The following BACE1 variants were observed in gnomAD, a reference collection of about 807,000 sequenced individuals.
The protein encoded by BACE1 is beta-secretase 1.
A neutral mutation model predicts 54.0 loss-of-function variants in BACE1; 21 were observed. The observed-to-expected ratio is 0.39, with a 90% CI of 0.28 to 0.56. The LOEUF (loss-of-function observed/expected upper bound fraction) is 0.56. Among genes scored for constraint, BACE1 ranks in the 20% least tolerant of loss-of-function variants. BACE1 has a pLI of 0.63. For missense variants in BACE1, 511 were observed against 661.2 expected, an observed-to-expected ratio of 0.77 and a Z score of 2.49; for synonymous variants, 232 against 260.9, an observed-to-expected ratio of 0.89 and a Z score of 1.07.
intron 3 of BACE1, among the ~76,000 whole-genome samples, chr11:117,294,754 G>A (rs1282531725): frequency 1.3e-5 from 2 of 151,726 alleles, no homozygotes; most frequent in Admixed American, 6.6e-5. Context: ...GCGTCATGGT[G>A]GGCGCCTATA....
Position 117,287,112 on chromosome 11 carries a change from G to T in BACE1, c.*2454C>A, listed in dbSNP as rs1180728506. On this transcript the variant is annotated 3_prime_UTR_variant, in exon 9 of 9. Coordinates refer to ENST00000313005, the MANE Select transcript of BACE1 (RefSeq NM_012104.6). ...GAGTAAAGAAAGAAAAAAGGAAGGG[G>T]TGAGGAGGGGGCTTAACTGCTTCCC... is the stretch of plus-strand genomic sequence containing the variant. The T allele has an allele frequency of 1.3e-5, 2 of 152,210 alleles. No individual in the cohort carries two copies. Among genetic ancestry groups the T allele is most frequent in the African/African-American group, 4.8e-5 (2 of 41,438 alleles). The allele number at this position is 152,210 out of a possible 1,614,324, so 9.4% of individuals were successfully genotyped here.
chr11:117,288,590 T>G lies in BACE1; in HGVS notation c.*976A>C, dbSNP rs2034326754. 1 of 152,576 alleles carries G rather than the reference T, an allele frequency of 6.6e-6. No homozygotes were observed. The highest frequency in any genetic ancestry group is 2.4e-5 in the African/African-American group (1 of 41,414). 9.5% of individuals were successfully genotyped at this position (152,576 alleles called of 1,614,324 possible). Reference sequence around the variant, plus strand: ...CCAGGAAGACAGAGCCCAGCCCTGCTATAGTCCAGTTGCTCTCCCACAGGG... The same window carrying G: ...CCAGGAAGACAGAGCCCAGCCCTGCGATAGTCCAGTTGCTCTCCCACAGGG... On this transcript the variant is annotated 3_prime_UTR_variant, in exon 9 of 9. Transcript: ENST00000313005.
rs1432918307 is a variant in BACE1, at chr11:117,296,894, T to C, written c.329A>G (p.His110Arg). 5 of 1,613,634 alleles carry C rather than the reference T, an allele frequency of 3.1e-6. No individual in the cohort carries two copies. Among genetic ancestry groups the C allele is most frequent in the Non-Finnish European group, 3.4e-6 (4 of 1,179,778 alleles). The change falls in exon 2 of 9, where the codon CAT (histidine) becomes CGT (arginine). Residue 110 changes from histidine to arginine, a missense_variant. Physicochemically the swap from His to Arg is conservative, Grantham distance 29. This residue lies in a region of BACE1 where 407 missense variants were observed against 565.7 expected (regional missense o/e 0.72). Transcript: ENST00000313005. ...TCACAGCTGCCTCTGGTAGTAGCGATGCAGGAAGGGGTGGGGGGCAGCACC... is the reference window on the plus strand; with the variant it reads ...TCACAGCTGCCTCTGGTAGTAGCGACGCAGGAAGGGGTGGGGGGCAGCACC... ...AVGAAPHPFL[H>R]RYYQRQLSST...
At chr11:117,295,431 T>C in intron 2 of BACE1, 84 bp from the exon 3 acceptor site, 1 of 1,552,288 alleles carries the variant, frequency 6.4e-7, no homozygotes, top group Non-Finnish European at 8.7e-7. Context: ...AAACACCACC[T>C]TATCTCATCT....
chr11:117,287,372 T>C lies in BACE1; in HGVS notation c.*2194A>G, dbSNP rs916308089. The C allele has an allele frequency of 6.6e-6, 1 of 152,658 alleles. No homozygotes were observed. The highest frequency in any genetic ancestry group is 6.5e-5 in the Admixed American group (1 of 15,286). 9.5% of individuals were successfully genotyped at this position (152,658 alleles called of 1,614,324 possible). A position where few individuals can be genotyped will look rare whatever the true frequency, so the allele number is the denominator to read the frequency against. Reference sequence around the variant, plus strand: ...AGTGAGTGGAGAATGGGACAGTCATTTTTCAGGAGCAGAATTTAAAAATAC... The same window carrying C: ...AGTGAGTGGAGAATGGGACAGTCATCTTTCAGGAGCAGAATTTAAAAATAC... On this transcript the variant is annotated 3_prime_UTR_variant, in exon 9 of 9. Coordinates refer to ENST00000313005, the MANE Select transcript of BACE1 (RefSeq NM_012104.6).
At chr11:117,299,814 C>T (rs2034682553) in intron 1 of BACE1, 1 of 271,190 alleles carries the variant, frequency 3.7e-6, no homozygotes, top group African/African-American at 2.4e-5. Flanking sequence ...AACCCTCTTC[C>T]CCATTCTCAG....
chr11:117,292,970 C>T, intron 5 of BACE1, 84 bp downstream of exon 5: 1 of 1,519,896 alleles, frequency 6.6e-7, no homozygotes, highest in Non-Finnish European at 9.0e-7. Context: ...TCTGCCTCAT[C>T]CTCCCAACAT....
rs1477288734 is a variant in BACE1 at position 117,288,391 on chromosome 11, T to A, written c.*1175A>T. On this transcript the variant is annotated 3_prime_UTR_variant, in exon 9 of 9. Coordinates refer to ENST00000313005, the MANE Select transcript of BACE1 (RefSeq NM_012104.6). ...TGAATTATGTAAAGATCTTGCTACT[T>A]CTTATAGCCTAATAGGAAGAAATCC... is the stretch of plus-strand genomic sequence containing the variant. The A allele has an allele frequency of 6.6e-6, 1 of 152,632 alleles. No homozygotes were observed. The highest frequency in any genetic ancestry group is 1.9e-4 in the East Asian group (1 of 5,194). 9.5% of individuals were successfully genotyped at this position (152,632 alleles called of 1,614,324 possible).
rs1313737748 is a variant in BACE1 at position 117,291,069 on chromosome 11, A to G, written c.943-20T>C. On this transcript the variant is annotated intron_variant, in intron 6 of 8. Coordinates refer to ENST00000313005, the MANE Select transcript of BACE1 (RefSeq NM_012104.6). ...CTCCGTCTGTGTTGGCAAGAAGGGG[A>G]TAACAATGAGGAAAAGCCTCTTTAT... is the stretch of plus-strand genomic sequence containing the variant. 6.2e-7 allele frequency: 1 copy of G among 1,612,772 alleles called. No individual in the cohort carries two copies. Among genetic ancestry groups the G allele is most frequent in the East Asian group, 2.2e-5 (1 of 44,872 alleles).
intron 1 of BACE1, among the ~76,000 whole-genome samples, chr11:117,306,189 C>T (rs1369536638): frequency 6.6e-6 from 1 of 152,208 alleles, no homozygotes; most frequent in Non-Finnish European, 1.5e-5. Context: ...CCTCCCCTGC[C>T]TGTGCTGGCT....
In BACE1 at chr11:117,288,024, GTTTACTATGCTA is replaced by G. The variant is rs757012233; in HGVS notation, c.*1530_*1541del. 21 of 152,768 alleles carry G rather than the reference GTTTACTATGCTA, an allele frequency of 1.4e-4. No individual in the cohort carries two copies. The highest frequency in any genetic ancestry group is 2.1e-4 in the South Asian group (1 of 4,828). 9.5% of individuals were successfully genotyped at this position (152,768 alleles called of 1,614,324 possible). A position where few individuals can be genotyped will look rare whatever the true frequency, so the allele number is the denominator to read the frequency against. ...TCTTCCCACTAACACTGGTACCGTA[GTTTACTATGCTA>G]GAACTGATAGGGAGGTAATGAACTT... On this transcript the variant is annotated 3_prime_UTR_variant, in exon 9 of 9. Transcript: ENST00000313005.
At chr11:117,314,788 C>G (rs1017284292) in intron 1 of BACE1, 1 of 152,460 alleles carries the variant, frequency 6.6e-6, no homozygotes, top group Non-Finnish European at 1.5e-5. Context: ...TCTGTAACTC[C>G]CCTCTCCCCC....
At chr11:117,298,550 G>A (rs1234809830) in intron 1 of BACE1, among the ~76,000 whole-genome samples, 1 of 152,210 alleles carries the variant, frequency 6.6e-6, no homozygotes, top group Non-Finnish European at 1.5e-5. Context: ...TCTAGGAGCT[G>A]TACTGGTCAG....
rs947379686 is a variant in BACE1 at position 117,294,823 on chromosome 11, T to C, written c.567+308A>G. On this transcript the variant is annotated intron_variant, in intron 3 of 8. Transcript: ENST00000313005. ...TCGCTTGAACCGAGGAGGTGGAGGT[T>C]GCAGTGAGCCAAGATTGCACCATTG... is the stretch of plus-strand genomic sequence containing the variant. Among the ~76,000 whole-genome samples, 16 of 151,340 alleles carry C rather than the reference T, an allele frequency of 1.1e-4. 1 individual carries two copies. Among genetic ancestry groups the C allele is most frequent in the African/African-American group, 2.4e-5 (1 of 41,152 alleles).
chr11:117,296,851 C>G, intron 2 of BACE1, 22 bp downstream of exon 2: 1 of 1,593,642 alleles, frequency 6.3e-7, no homozygotes, highest in Non-Finnish European at 8.6e-7. Context: ...GGTACTTCCC[C>G]CGGGCTCTCC....
chr11:117,312,925 C>T (rs920190485), intron 1 of BACE1, among the ~76,000 whole-genome samples: 4 of 152,206 alleles, frequency 2.6e-5, no homozygotes, highest in African/African-American at 4.8e-5. Context: ...ACCTTGTACT[C>T]GTCACTTCCG....
chr11:117,292,855 TCACTACCAG>T, intron 5 of BACE1, 190 bp downstream of exon 5: 1 of 558,486 alleles, frequency 1.8e-6, no homozygotes, highest in Non-Finnish European at 3.1e-6. Context: ...GTTTTTTTTT[TCACTACCAG>T]TCCCTAGGCC....
chr11:117,293,976 A>G lies in BACE1; in HGVS notation c.600T>C (p.Ser200=), dbSNP rs766399937. Residue 200 remains serine, a synonymous_variant, in exon 4 of 9, where the codon TCT becomes TCC. Coordinates refer to ENST00000313005, the MANE Select transcript of BACE1 (RefSeq NM_012104.6). This position sits in a 1 kb window ranked among gnomAD's most constrained non-coding sequence, Gnocchi z 4.1. ...TGGGAACGTGGGTCTGCTTTACCAGAGAGTCAAAGAAAGGCTCCAGGGAGT... is the reference window on the plus strand; with the variant it reads ...TGGGAACGTGGGTCTGCTTTACCAGGGAGTCAAAGAAAGGCTCCAGGGAGT... The part of the protein sequence containing the change: ...PDDSLEPFFD[S]LVKQTHVPNL... The G allele has an allele frequency of 6.2e-6, 10 of 1,613,906 alleles. No individual in the cohort carries two copies. The African/African-American group carries it at 1.3e-4, about 22-fold the overall frequency.
intron 1 of BACE1, among the ~76,000 whole-genome samples, chr11:117,313,975 C>T (rs998013122): frequency 6.6e-6 from 1 of 152,262 alleles, no homozygotes; most frequent in Middle Eastern, 3.4e-3. Flanking sequence ...ACAGTAGTTT[C>T]AGAGAGGTTA....
Sources: gnomAD v4.1 joint callset for allele counts (sites outside exome capture counted in the v4.1 genomes callset) on GRCh38, gnomAD v4.1.1 for gene constraint, gnomAD v4.1.1 regional missense constraint, Gnocchi (gnomAD v3.1) non-coding constraint, MANE v1.5 for transcripts, NCBI Gene and HGNC (gene_info 2026-07-23, HGNC 2026-07-21) for gene names.